PLEKHA7: variants seen among roughly 807,000 people sequenced by gnomAD.
PLEKHA7 encodes pleckstrin homology domain containing A7, also known as pleckstrin homology domain-containing family A member 7.
A neutral mutation model predicts 170.0 loss-of-function variants in PLEKHA7; 104 were observed. The observed-to-expected ratio is 0.61, with a 90% CI of 0.52 to 0.72. The LOEUF is 0.72. Ranked by LOEUF, PLEKHA7 falls within the 30% of genes least tolerant of loss-of-function variation. The pLI is 0.00. For synonymous variants in PLEKHA7, 648 were observed against 660.8 expected, an observed-to-expected ratio of 0.98 and a Z score of 0.30; for missense variants, 1,615 against 1,671.7, an observed-to-expected ratio of 0.97 and a Z score of 0.59.
intron 4 of PLEKHA7, among the ~76,000 whole-genome samples, chr11:16,860,325 A>T (rs577506428): frequency 6.0e-4 from 92 of 152,078 alleles, no homozygotes; most frequent in Non-Finnish European, 9.9e-4. Context: ...TACAGAAGCT[A>T]TTTTTTTTCT....
At chr11:16,895,185 T>C (rs1362839503) in intron 3 of PLEKHA7, among the ~76,000 whole-genome samples, 1 of 152,012 alleles carries the variant, frequency 6.6e-6, no homozygotes, top group Non-Finnish European at 1.5e-5. Context: ...TAAGAAGCTA[T>C]CTTATTAGGG....
intron 3 of PLEKHA7, among the ~76,000 whole-genome samples, chr11:17,003,961 G>A (rs1293970043): frequency 6.6e-6 from 1 of 152,122 alleles, no homozygotes; most frequent in Non-Finnish European, 1.5e-5. Context: ...TGGAGATGTA[G>A]GGCCCAGAGA....
At chr11:17,014,069 G>A (rs1014133644) in intron 2 of PLEKHA7, 23 bp from the exon 3 acceptor site, 29 of 1,577,238 alleles carry the variant, frequency 1.8e-5, no homozygotes, top group Non-Finnish European at 2.4e-5. Context: ...CAGAAAAGTC[G>A]GGTCAAACTT....
intron 3 of PLEKHA7, among the ~76,000 whole-genome samples, chr11:16,887,384 CTCTCCCTCTCCCCACGG>C (rs1192063146): frequency 3.8e-5 from 4 of 104,642 alleles, no homozygotes; most frequent in Non-Finnish European, 1.0e-4. Flanking sequence ...CACGGTCTGC[CTCTCCCTCTCCCCACGG>C]TCTCCCTCTC....
At chr11:16,839,539 A>T (rs1176685570) in intron 9 of PLEKHA7, among the ~76,000 whole-genome samples, 3 of 151,594 alleles carry the variant, frequency 2.0e-5, no homozygotes, top group Non-Finnish European at 4.4e-5. Flanking sequence ...ATATCCATGG[A>T]TTCAACCAAC....
At chr11:16,940,898 C>G (rs1321475105) in intron 3 of PLEKHA7, among the ~76,000 whole-genome samples, 1 of 152,064 alleles carries the variant, frequency 6.6e-6, no homozygotes, top group Admixed American at 6.5e-5. Flanking sequence ...CCAGGTGGCT[C>G]TGAAGTCATT....
At chr11:17,012,114 C>T (rs928141694) in intron 3 of PLEKHA7, among the ~76,000 whole-genome samples, 9 of 152,214 alleles carry the variant, frequency 5.9e-5, no homozygotes, top group Non-Finnish European at 1.2e-4. Context: ...TGCTCTCCTG[C>T]CTCCCCCTGC....
chr11:16,794,775 TGAGTG>T, intron 18 of PLEKHA7, 61 bp from the exon 19 acceptor site: 1 of 1,567,002 alleles, frequency 6.4e-7, no homozygotes, highest in Non-Finnish European at 8.8e-7. Context: ...CCTTGGAGGA[TGAGTG>T]GAGTAATTTA....
chr11:16,927,692 AT>A (rs1372010089), intron 3 of PLEKHA7, among the ~76,000 whole-genome samples: 1 of 152,264 alleles, frequency 6.6e-6, no homozygotes, highest in Admixed American at 6.5e-5. Context: ...GGCAATATGA[AT>A]TAAAAGGCTT....
intron 4 of PLEKHA7, among the ~76,000 whole-genome samples, chr11:16,862,808 G>A (rs138793156): frequency 8.5e-5 from 13 of 152,306 alleles, no homozygotes; most frequent in African/African-American, 2.9e-4. Flanking sequence ...CTAGTCCAGG[G>A]AAGAAAACTG....
At chr11:16,804,893 G>GT (rs1401281728) in intron 13 of PLEKHA7, among the ~76,000 whole-genome samples, 1 of 152,090 alleles carries the variant, frequency 6.6e-6, no homozygotes, top group East Asian at 1.9e-4. Flanking sequence ...GCAATGCGGG[G>GT]GGGGCGGTGC....
At chr11:16,901,247 A>G (rs746486605) in intron 3 of PLEKHA7, among the ~76,000 whole-genome samples, 2 of 152,240 alleles carry the variant, frequency 1.3e-5, no homozygotes, top group Non-Finnish European at 2.9e-5. Context: ...AGAAAAATGG[A>G]AAAAAGCTGT....
At chr11:16,884,647 A>C (rs1565067537) in intron 3 of PLEKHA7, among the ~76,000 whole-genome samples, 1 of 46,346 alleles carries the variant, frequency 2.2e-5, no homozygotes, top group African/African-American at 6.6e-5. Flanking sequence ...AAAAGAAAAG[A>C]AAAGAAAAGA....
chr11:16,915,630 G>A (rs1484504470), intron 3 of PLEKHA7, among the ~76,000 whole-genome samples: 1 of 150,522 alleles, frequency 6.6e-6, no homozygotes, highest in Non-Finnish European at 1.5e-5. Context: ...TTTTGTTCTT[G>A]CGATAGTTTA....
chr11:16,901,125 G>C (rs1035881778), intron 3 of PLEKHA7, among the ~76,000 whole-genome samples: 5 of 152,106 alleles, frequency 3.3e-5, no homozygotes, highest in Non-Finnish European at 5.9e-5. Context: ...GGGATTACAG[G>C]CATGAGCCAC....
intron 3 of PLEKHA7, among the ~76,000 whole-genome samples, chr11:16,978,599 G>A (rs1328202347): frequency 6.6e-6 from 1 of 152,174 alleles, no homozygotes; most frequent in Non-Finnish European, 1.5e-5. Flanking sequence ...TTTAATAGTT[G>A]GATGGTACCG....
chr11:16,886,113 C>A (rs1303639726), intron 3 of PLEKHA7, among the ~76,000 whole-genome samples: 1 of 152,122 alleles, frequency 6.6e-6, no homozygotes, highest in African/African-American at 2.4e-5. Flanking sequence ...CCCTATAGAA[C>A]CCAAAGGAAG....
At chr11:16,831,994 T>C (rs1851155228) in intron 9 of PLEKHA7, among the ~76,000 whole-genome samples, 2 of 152,210 alleles carry the variant, frequency 1.3e-5, no homozygotes, top group Non-Finnish European at 1.5e-5. Flanking sequence ...CAATAAGATA[T>C]AAGCATAAAT....
chr11:16,779,022 T>A lies in PLEKHA7; in HGVS notation c.3794-2A>T. 1.4e-6 allele frequency: 1 copy of A among 702,564 alleles called. No homozygotes were observed. 43.5% of individuals were successfully genotyped at this position (702,564 alleles called of 1,614,324 possible). On this transcript the variant is annotated splice_acceptor_variant, in intron 26 of 26. Transcript: ENST00000531066. LOFTEE classifies it high-confidence loss of function. The stretch of plus-strand genomic sequence containing the variant: ...GTCACGGGTCAGTCACTGCCTGGGC[T>A]GGCAAAAAGCACAGGAGACAGTGAG...
Sources: gnomAD v4.1 joint callset for allele counts (sites outside exome capture counted in the v4.1 genomes callset) on GRCh38, gnomAD v4.1.1 for gene constraint, MANE v1.5 for transcripts, NCBI Gene and HGNC (gene_info 2026-07-23, HGNC 2026-07-21) for gene names.